The following HTR2A variants were observed in gnomAD, a reference collection of about 807,000 sequenced individuals.
HTR2A encodes 5-HT2 receptor.
A neutral mutation model predicts 31.0 loss-of-function variants in HTR2A; 14 were observed. The observed-to-expected ratio is 0.45, with a 90% CI of 0.30 to 0.71. The LOEUF is 0.71. Among genes scored for constraint, HTR2A ranks in the 30% least tolerant of loss-of-function variants. The probability of loss-of-function intolerance (pLI) is 0.09; values close to 1 mark genes in which losing one functional copy is unlikely to be tolerated. For synonymous variants in HTR2A, 209 were observed against 225.2 expected, an observed-to-expected ratio of 0.93 and a Z score of 0.64; for missense variants, 442 against 573.3, an observed-to-expected ratio of 0.77 and a Z score of 2.34.
At chr13:46,886,306 C>T (rs1367577313) in intron 3 of HTR2A, among the ~76,000 whole-genome samples, 4 of 151,190 alleles carry the variant, frequency 2.6e-5, no homozygotes, top group South Asian at 2.1e-4. Flanking sequence ...TCAAACTAAC[C>T]GGGTTGGAGG....
chr13:46,857,579 G>A (rs527369796), intron 3 of HTR2A, among the ~76,000 whole-genome samples: 1 of 152,278 alleles, frequency 6.6e-6, no homozygotes, highest in South Asian at 2.1e-4. Flanking sequence ...ATTTCTACCT[G>A]TGAATTTTGG....
rs192992312 is a variant in HTR2A, at chr13:46,842,260, G to A, written c.614-6621C>T. On this transcript the variant is annotated intron_variant, in intron 3 of 3. Transcript: ENST00000542664. Reference sequence around the variant, plus strand: ...GCTGCATATTTAGCAACGTGCTCATGAGTAAAGATTTATTTAGAAAAAAAA... The same window carrying A: ...GCTGCATATTTAGCAACGTGCTCATAAGTAAAGATTTATTTAGAAAAAAAA... Among the ~76,000 whole-genome samples, 166 of 152,174 alleles carry A rather than the reference G, an allele frequency of 1.1e-3. 1 individual carries two copies. Among genetic ancestry groups the A allele is most frequent in the African/African-American group, 3.9e-3 (162 of 41,550 alleles).
intron 3 of HTR2A, among the ~76,000 whole-genome samples, chr13:46,876,875 C>A (rs1176665414): frequency 6.6e-6 from 1 of 152,046 alleles, no homozygotes; most frequent in African/African-American, 2.4e-5. Context: ...TTTAATATGA[C>A]CAGCTGAGAA....
Position 46,833,748 on chromosome 13 carries a change from G to GTA in HTR2A, c.*1087_*1088dup, listed in dbSNP as rs976973504. 2 of 152,108 alleles carry GTA rather than the reference G, an allele frequency of 1.3e-5. No homozygotes were observed. Among genetic ancestry groups the GTA allele is most frequent in the African/African-American group, 4.8e-5 (2 of 41,422 alleles). 9.4% of individuals were successfully genotyped at this position (152,108 alleles called of 1,614,324 possible). A position where few individuals can be genotyped will look rare whatever the true frequency, so the allele number is the denominator to read the frequency against. On this transcript the variant is annotated 3_prime_UTR_variant, in exon 4 of 4. Transcript: ENST00000542664. Reference sequence around the variant, plus strand: ...CTAGAAATTTGCTTCACACATAAATGTACACTCAATAGATGATTGTGGAAC... The same window carrying GTA: ...CTAGAAATTTGCTTCACACATAAATGTATACACTCAATAGATGATTGTGGAAC...
At chr13:46,875,743 A>G (rs1245750134) in intron 3 of HTR2A, among the ~76,000 whole-genome samples, 1 of 152,210 alleles carries the variant, frequency 6.6e-6, no homozygotes, top group Admixed American at 6.5e-5. Flanking sequence ...TTCAGAAGAA[A>G]GGTTTTGAAA....
chr13:46,849,051 A>G (rs909374162), intron 3 of HTR2A, among the ~76,000 whole-genome samples: 1 of 152,152 alleles, frequency 6.6e-6, no homozygotes, highest in Non-Finnish European at 1.5e-5. Context: ...GATGTCTCCG[A>G]TGGGCATCCC....
chr13:46,863,533 G>C (rs1174629297), intron 3 of HTR2A, among the ~76,000 whole-genome samples: 1 of 148,248 alleles, frequency 6.7e-6, no homozygotes, highest in Non-Finnish European at 1.5e-5. Context: ...TGAGGCAGGA[G>C]GATTGCTTGA....
rs79109215 is a variant in HTR2A, at chr13:46,853,501, T to C, written c.614-17862A>G. Among the ~76,000 whole-genome samples, 540 of 152,314 alleles carry C rather than the reference T, an allele frequency of 3.5e-3. 3 individuals are homozygous for C. Among genetic ancestry groups the C allele is most frequent in the African/African-American group, 0.012 (514 of 41,570 alleles). ...AAATACTGATAGTGAATTGAATCCA[T>C]AGAGATTCTGATTTTGTGCATTCCA... On this transcript the variant is annotated intron_variant, in intron 3 of 3. Transcript: ENST00000542664.
At chr13:46,867,546 C>T (rs9534503) in intron 3 of HTR2A, among the ~76,000 whole-genome samples, 6,088 of 152,290 alleles carry the variant, frequency 0.04, 163 homozygotes, top group South Asian at 0.092. Flanking sequence ...TTGCTAATTT[C>T]TCCAGAACAT....
chr13:46,851,883 G>C (rs1447273587), intron 3 of HTR2A, among the ~76,000 whole-genome samples: 1 of 152,216 alleles, frequency 6.6e-6, no homozygotes, highest in Non-Finnish European at 1.5e-5. Context: ...ATAAACTAAA[G>C]TTGCAGATGG....
Position 46,837,496 on chromosome 13 carries a change from C to T in HTR2A, c.614-1857G>A, listed in dbSNP as rs753865148. 7.9e-5 allele frequency among the ~76,000 whole-genome samples: 12 copies of T among 152,128 alleles called. 1 individual carries two copies. Among genetic ancestry groups the T allele is most frequent in the African/African-American group, 1.2e-4 (5 of 41,408 alleles). ...AAATAGTTCCCTTCTAACTCCTGCC[C>T]ATATTATCAGCACACTCAGAATTGT... On this transcript the variant is annotated intron_variant, in intron 3 of 3. Transcript: ENST00000542664.
rs557199724 is a variant in HTR2A, at chr13:46,842,695, T to C, written c.614-7056A>G. ...AATTATTCAACTTTCTCAATAGTCA[T>C]ATGGTGTTCTCTCTCTGTTGCTCTC... On this transcript the variant is annotated intron_variant, in intron 3 of 3. Coordinates refer to ENST00000542664, the MANE Select transcript of HTR2A (RefSeq NM_000621.5). Among the ~76,000 whole-genome samples the C allele has an allele frequency of 2.6e-5, 4 of 152,310 alleles. No homozygotes were observed. In the East Asian group the frequency reaches 5.8e-4, roughly 22 times the overall value.
intron 3 of HTR2A, among the ~76,000 whole-genome samples, chr13:46,838,002 T>C (rs928063444): frequency 1.3e-5 from 2 of 152,332 alleles, no homozygotes; most frequent in South Asian, 2.1e-4. Context: ...GTTTGCAACA[T>C]TCAAGAAGAG....
rs557085920 is a variant in HTR2A at position 46,840,762 on chromosome 13, A to G, written c.614-5123T>C. On this transcript the variant is annotated intron_variant, in intron 3 of 3. Coordinates refer to ENST00000542664, the MANE Select transcript of HTR2A (RefSeq NM_000621.5). ...CATTGGCTTCAGGAAGTCTATGATAATCCTAAAATCTGAAAAATTTGTATA... is the reference window on the plus strand; with the variant it reads ...CATTGGCTTCAGGAAGTCTATGATAGTCCTAAAATCTGAAAAATTTGTATA... Among the ~76,000 whole-genome samples the G allele has an allele frequency of 1.1e-3, 166 of 152,340 alleles. 1 individual carries two copies. Among genetic ancestry groups the G allele is most frequent in the African/African-American group, 3.9e-3 (162 of 41,586 alleles).
At chr13:46,876,530 C>T (rs1165587955) in intron 3 of HTR2A, among the ~76,000 whole-genome samples, 3 of 150,576 alleles carry the variant, frequency 2.0e-5, no homozygotes, top group African/African-American at 7.3e-5. Context: ...CTGCCTCAGC[C>T]TCCTGAGTAG....
intron 3 of HTR2A, among the ~76,000 whole-genome samples, chr13:46,862,802 T>C (rs894725360): frequency 6.6e-6 from 1 of 152,234 alleles, no homozygotes; most frequent in Admixed American, 6.5e-5. Flanking sequence ...AAAGATACTA[T>C]ATTTGCACTA....
Position 46,847,262 on chromosome 13 carries a change from C to A in HTR2A, c.614-11623G>T, listed in dbSNP as rs543107744. 3.9e-5 allele frequency among the ~76,000 whole-genome samples: 6 copies of A among 152,314 alleles called. No homozygotes were observed. The East Asian group carries it at 9.6e-4, about 24-fold the overall frequency. ...AGATAGTTCTGCTAGGATTTCTACCCTTTTTCAATTTCCCACTTTTTTCCC... is the reference window on the plus strand; with the variant it reads ...AGATAGTTCTGCTAGGATTTCTACCATTTTTCAATTTCCCACTTTTTTCCC... On this transcript the variant is annotated intron_variant, in intron 3 of 3. Coordinates refer to ENST00000542664, the MANE Select transcript of HTR2A (RefSeq NM_000621.5).
At chr13:46,852,439 C>G (rs1950693809) in intron 3 of HTR2A, among the ~76,000 whole-genome samples, 1 of 152,202 alleles carries the variant, frequency 6.6e-6, no homozygotes, top group South Asian at 2.1e-4. Flanking sequence ...AGAGTGCTAC[C>G]CTCTTCCCAC....
intron 3 of HTR2A, among the ~76,000 whole-genome samples, chr13:46,881,620 T>C (rs1039483628): frequency 6.6e-6 from 1 of 152,192 alleles, no homozygotes; most frequent in African/African-American, 2.4e-5. Flanking sequence ...TAACTTACCA[T>C]ATGATCTCCC....
Sources: allele counts gnomAD v4.1 joint callset (sites outside exome capture counted in the v4.1 genomes callset), GRCh38; gene constraint gnomAD v4.1.1; transcripts MANE v1.5; gene names NCBI Gene and HGNC (gene_info 2026-07-23, HGNC 2026-07-21).